The following SMPDL3B variants were observed in gnomAD, a reference collection of about 807,000 sequenced individuals.
SMPDL3B encodes acid sphingomyelinase-like phosphodiesterase 3b.
Under a neutral mutation model 37.9 loss-of-function variants are expected in SMPDL3B, and 31 were observed. The ratio of observed to expected loss-of-function variants is 0.82; its 90% confidence interval spans 0.61 to 1.10. SMPDL3B has a LOEUF of 1.10. Ranked by LOEUF, SMPDL3B falls within the 50% of genes least tolerant of loss-of-function variation. The pLI, the probability that SMPDL3B is intolerant of heterozygous loss-of-function variation, is 0.00. For missense variants in SMPDL3B, 525 were observed against 597.8 expected, an observed-to-expected ratio of 0.88 and a Z score of 1.27; for synonymous variants, 235 against 242.6, an observed-to-expected ratio of 0.97 and a Z score of 0.29.
intron 1 of SMPDL3B, among the ~76,000 whole-genome samples, chr1:27,936,277 C>T (rs764779535): frequency 1.6e-4 from 24 of 151,634 alleles, no homozygotes; most frequent in Non-Finnish European, 2.8e-4. Flanking sequence ...CATAGCAAAA[C>T]CCTGACTCTA....
chr1:27,957,951 G>T (rs565641230), intron 7 of SMPDL3B, among the ~76,000 whole-genome samples: 1 of 152,278 alleles, frequency 6.6e-6, no homozygotes, highest in Non-Finnish European at 1.5e-5. Flanking sequence ...CTCTTACCCC[G>T]TCTGCAGTGG....
rs892213498 is a variant in SMPDL3B, at chr1:27,955,964, C to G, written c.887C>G (p.Ala296Gly). The G allele has an allele frequency of 1.9e-6, 3 of 1,614,080 alleles. No individual in the cohort carries two copies. Among genetic ancestry groups the G allele is most frequent in the Admixed American group, 1.7e-5 (1 of 60,014 alleles). The change falls in exon 7 of 8, where the codon GCC becomes GGC. Residue 296 changes from alanine (A) to glycine (G), a missense_variant. Transcript: ENST00000373894. Reference protein sequence around the residue: ...LYDDAGVPISAMFITPGVTPW... With the variant: ...LYDDAGVPISGMFITPGVTPW... ...CTCCTGACAGGTGTCCCCATAAGCG[C>G]CATGTTCATCACACCTGGAGTCACC... is the stretch of plus-strand genomic sequence containing the variant.
At chr1:27,946,273 C>T (rs2090406297) in intron 2 of SMPDL3B, among the ~76,000 whole-genome samples, 1 of 151,320 alleles carries the variant, frequency 6.6e-6, no homozygotes, top group Non-Finnish European at 1.5e-5. Flanking sequence ...GAATCGCTTG[C>T]ATTTGGGAGG....
intron 1 of SMPDL3B, among the ~76,000 whole-genome samples, chr1:27,935,647 G>GA (rs777737235): frequency 5.3e-5 from 8 of 152,122 alleles, no homozygotes; most frequent in Non-Finnish European, 8.8e-5. Context: ...CATCTGGGGA[G>GA]AAAAAAACAA....
In SMPDL3B at chr1:27,935,099, C is replaced by A; in HGVS notation, c.-85C>A. On this transcript the variant is annotated 5_prime_UTR_variant, in exon 1 of 8. Coordinates refer to ENST00000373894, the MANE Select transcript of SMPDL3B (RefSeq NM_014474.4). ...CAAGGAGTTCTGCTCAGGCACGTGGCCACAGAAAACTACTTAGGAAGCCTG... is the reference window on the plus strand; with the variant it reads ...CAAGGAGTTCTGCTCAGGCACGTGGACACAGAAAACTACTTAGGAAGCCTG... 9.5e-7 allele frequency: 1 copy of A among 1,052,702 alleles called. No homozygotes were observed. Among genetic ancestry groups the A allele is most frequent in the Non-Finnish European group, 1.5e-6 (1 of 684,490 alleles). The allele number at this position is 1,052,702 out of a possible 1,614,324, so 65.2% of individuals were successfully genotyped here. A position where few individuals can be genotyped will look rare whatever the true frequency, so the allele number is the denominator to read the frequency against.
Position 27,955,835 on chromosome 1 carries a change from A to G in SMPDL3B, c.842A>G (p.Asp281Gly), listed in dbSNP as rs1410084857. 8 of 1,614,086 alleles carry G rather than the reference A, an allele frequency of 5.0e-6. No homozygotes were observed. The highest frequency in any genetic ancestry group is 6.8e-6 in the Non-Finnish European group (8 of 1,179,996). The change falls in exon 6 of 8, where the codon GAC becomes GGC. Residue 281 changes from aspartate to glycine, a missense_variant. Physicochemically the swap from Asp to Gly is moderately conservative, Grantham distance 94. Coordinates refer to ENST00000373894, the MANE Select transcript of SMPDL3B (RefSeq NM_014474.4). ...CAGTTCTTCGGGCACCACCACACCGACAGCTTTCGGATGCTCTATGATGAT... is the reference window on the plus strand; with the variant it reads ...CAGTTCTTCGGGCACCACCACACCGGCAGCTTTCGGATGCTCTATGATGAT... The part of the protein sequence containing the change: ...AGQFFGHHHT[D>G]SFRMLYDDAG...
rs765370594 is a variant in SMPDL3B at position 27,956,064 on chromosome 1, A to C, written c.987A>C (p.Arg329=). 155 of 1,614,014 alleles carry C rather than the reference A, an allele frequency of 9.6e-5. No homozygotes were observed. The highest frequency in any genetic ancestry group is 1.2e-4 in the Non-Finnish European group (144 of 1,180,028). ...CCATCCGGGTGTTCGAATATGACCG[A>C]GCCACACTGAGCCTGAAGGTCAGGA... is the stretch of plus-strand genomic sequence containing the variant. ...NPAIRVFEYD[R]ATLSLKDMVT... Residue 329 remains arginine (R), a synonymous_variant, in exon 7 of 8, where the codon CGA becomes CGC. Coordinates refer to ENST00000373894, the MANE Select transcript of SMPDL3B (RefSeq NM_014474.4).
chr1:27,943,528 C>G (rs1199087940), intron 1 of SMPDL3B, among the ~76,000 whole-genome samples: 1 of 152,146 alleles, frequency 6.6e-6, no homozygotes, highest in African/African-American at 2.4e-5. Flanking sequence ...GGCCCAGACA[C>G]AGCTTCTTGG....
Position 27,959,087 on chromosome 1 carries a change from C to T in SMPDL3B, c.*249C>T. ...GAAAAGAAATGACGACCCAAGACCC[C>T]CCTACAAGCATACTTCTTTTGCGTA... On this transcript the variant is annotated 3_prime_UTR_variant, in exon 8 of 8. Coordinates refer to ENST00000373894, the MANE Select transcript of SMPDL3B (RefSeq NM_014474.4). The T allele has an allele frequency of 1.9e-6, 1 of 516,588 alleles. No homozygotes were observed. The highest frequency in any genetic ancestry group is 3.5e-6 in the Non-Finnish European group (1 of 287,816). The allele number at this position is 516,588 out of a possible 1,614,324, so 32.0% of individuals were successfully genotyped here.
chr1:27,935,103 A>G lies in SMPDL3B; in HGVS notation c.-81A>G. 8.7e-7 allele frequency: 1 copy of G among 1,152,812 alleles called. No individual in the cohort carries two copies. 71.4% of individuals were successfully genotyped at this position (1,152,812 alleles called of 1,614,324 possible). A position where few individuals can be genotyped will look rare whatever the true frequency, so the allele number is the denominator to read the frequency against. On this transcript the variant is annotated 5_prime_UTR_variant, in exon 1 of 8. Coordinates refer to ENST00000373894, the MANE Select transcript of SMPDL3B (RefSeq NM_014474.4). ...GAGTTCTGCTCAGGCACGTGGCCAC[A>G]GAAAACTACTTAGGAAGCCTGTGGT...
At chr1:27,941,255 GGGTCAGAGA>G (rs1231282457) in intron 1 of SMPDL3B, among the ~76,000 whole-genome samples, 1 of 152,188 alleles carries the variant, frequency 6.6e-6, no homozygotes, top group African/African-American at 2.4e-5. Flanking sequence ...CTCAGCTTTG[GGGTCAGAGA>G]GGTCTGGGTT....
rs545671971 is a variant in SMPDL3B, at chr1:27,955,728, G to A, written c.735G>A (p.Thr245=). ...GHVPPGFFEK[T]QNKAWFREGF... ...TGCCCCCGGGGTTCTTTGAGAAGAC[G>A]CAAAACAAGGCATGGTTCCGGGAGG... The change falls in exon 6 of 8, where the codon ACG becomes ACA. Residue 245 remains threonine (T), a synonymous_variant. Transcript: ENST00000373894. 1.1e-5 allele frequency: 18 copies of A among 1,614,128 alleles called. No homozygotes were observed. In the East Asian group the frequency reaches 2.2e-4, roughly 20 times the overall value.
intron 1 of SMPDL3B, among the ~76,000 whole-genome samples, chr1:27,935,642 G>A (rs1181802285): frequency 6.6e-6 from 1 of 152,178 alleles, no homozygotes; most frequent in Non-Finnish European, 1.5e-5. Flanking sequence ...TCCTTCATCT[G>A]GGGAGAAAAA....
At chr1:27,946,470 G>C (rs532447700) in intron 2 of SMPDL3B, among the ~76,000 whole-genome samples, 1 of 152,304 alleles carries the variant, frequency 6.6e-6, no homozygotes, top group African/African-American at 2.4e-5. Flanking sequence ...GATCTGAGAT[G>C]ATGGACACCC....
In SMPDL3B at chr1:27,958,978, G is replaced by A; in HGVS notation, c.*140G>A. 1 of 1,065,692 alleles carries A rather than the reference G, an allele frequency of 9.4e-7. No individual in the cohort carries two copies. The allele number at this position is 1,065,692 out of a possible 1,614,324, so 66.0% of individuals were successfully genotyped here. A position where few individuals can be genotyped will look rare whatever the true frequency, so the allele number is the denominator to read the frequency against. Reference sequence around the variant, plus strand: ...AACCGAATCAGGAAGCGAAGCCCCAGGAGCTGCAGCCATCCGTGATCGCGC... The same window carrying A: ...AACCGAATCAGGAAGCGAAGCCCCAAGAGCTGCAGCCATCCGTGATCGCGC... On this transcript the variant is annotated 3_prime_UTR_variant, in exon 8 of 8. Coordinates refer to ENST00000373894, the MANE Select transcript of SMPDL3B (RefSeq NM_014474.4). The surrounding 1 kb of genome is among the most constrained non-coding windows in gnomAD (Gnocchi z 5.6).
chr1:27,939,026 A>C (rs897654837), intron 1 of SMPDL3B: 4 of 152,194 alleles, frequency 2.6e-5, no homozygotes, highest in African/African-American at 9.7e-5. Context: ...GATCATTTCC[A>C]TTCTGACGTG....
At position 27,945,378 on chromosome 1, in the gene SMPDL3B, C is replaced by T; in HGVS notation, c.208C>T (p.Leu70Phe). 6.2e-7 allele frequency: 1 copy of T among 1,614,170 alleles called. No homozygotes were observed. Among genetic ancestry groups the T allele is most frequent in the Non-Finnish European group, 8.5e-7 (1 of 1,180,030 alleles). Residue 70 changes from leucine (L) to phenylalanine (F), a missense_variant, in exon 2 of 8, where the codon CTC becomes TTC. Leu to Phe is a conservative substitution (Grantham distance 22). Transcript: ENST00000373894. The surrounding 1 kb of genome is among the most constrained non-coding windows in gnomAD (Gnocchi z 4.0). ...GDYLCDSPWALINSSIYAMKE... is the reference protein window; with the variant it reads ...GDYLCDSPWAFINSSIYAMKE... ...CTACCTCTGTGATTCTCCCTGGGCCCTCATCAACTCCTCCATCTATGCCAT... is the reference window on the plus strand; with the variant it reads ...CTACCTCTGTGATTCTCCCTGGGCCTTCATCAACTCCTCCATCTATGCCAT...
In SMPDL3B at chr1:27,948,944, C is replaced by T. The variant is rs1248594691; in HGVS notation, c.276-121C>T. ...CTCCACTCTAGCCTGGCCATTCCCCCTCAAGGGGACATCTGAGGCCCAGGT... is the reference window on the plus strand; with the variant it reads ...CTCCACTCTAGCCTGGCCATTCCCCTTCAAGGGGACATCTGAGGCCCAGGT... On this transcript the variant is annotated intron_variant, in intron 2 of 7. Coordinates refer to ENST00000373894, the MANE Select transcript of SMPDL3B (RefSeq NM_014474.4). The T allele has an allele frequency of 2.6e-6, 4 of 1,546,442 alleles. No homozygotes were observed. The African/African-American group carries it at 4.1e-5, about 16-fold the overall frequency.
chr1:27,944,181 A>G (rs553782922), intron 1 of SMPDL3B, among the ~76,000 whole-genome samples: 20 of 152,052 alleles, frequency 1.3e-4, no homozygotes, highest in Middle Eastern at 3.4e-3. Context: ...GTTTCGGTCA[A>G]TCACCTCAGC....
Sources: gnomAD v4.1 joint callset for allele counts (sites outside exome capture counted in the v4.1 genomes callset) on GRCh38, gnomAD v4.1.1 for gene constraint, Gnocchi (gnomAD v3.1) non-coding constraint, MANE v1.5 for transcripts, NCBI Gene and HGNC (gene_info 2026-07-23, HGNC 2026-07-21) for gene names.